RPL22: variants seen among roughly 807,000 people sequenced by gnomAD.
The protein encoded by RPL22 is ribosomal protein L22.
RPL22 carries 4 observed loss-of-function variants against 16.2 expected under a neutral mutation model. The ratio of observed to expected loss-of-function variants is 0.25; its 90% CI spans 0.12 to 0.57. RPL22 has a LOEUF of 0.57. RPL22 is among the 20% of genes least tolerant of loss of function. The pLI, the probability that RPL22 is intolerant of heterozygous loss-of-function variation, is 0.92. For missense variants in RPL22, 83 were observed against 156.1 expected (o/e 0.53, Z 2.49); for synonymous variants, 43 against 54.8 (o/e 0.78, Z 0.95).
intron 1 of RPL22, chr1:6,199,172 C>T (rs1426163057): frequency 2.2e-5 from 5 of 226,336 alleles, no homozygotes; most frequent in Admixed American, 1.1e-4. Flanking sequence ...GAGTCTTGGC[C>T]GTGGACTTCC....
intron 3 of RPL22, among the ~76,000 whole-genome samples, chr1:6,188,409 G>A (rs956276015): frequency 4.3e-4 from 65 of 152,158 alleles, no homozygotes; most frequent in Non-Finnish European, 8.8e-4. Context: ...TGACCTAAGG[G>A]CTGGGCACAG....
chr1:6,191,186 T>G (rs530874849), intron 3 of RPL22, among the ~76,000 whole-genome samples: 2 of 135,526 alleles, frequency 1.5e-5, no homozygotes, highest in Admixed American at 7.5e-5. Context: ...GGTGAAACCC[T>G]GTCTCTACTA....
rs1426870675 is a variant in RPL22 at position 6,185,416 on chromosome 1, A to G, written c.*1256T>C. 2 of 398,872 alleles carry G rather than the reference A, an allele frequency of 5.0e-6. No homozygotes were observed. The highest frequency in any genetic ancestry group is 8.8e-6 in the Non-Finnish European group (2 of 226,020). 24.7% of individuals were successfully genotyped at this position (398,872 alleles called of 1,614,324 possible). ...TTCAAAGAAATTTGCATAGAAATGG[A>G]AAAATGCCAGAGCCTTTAACACAAG... On this transcript the variant is annotated 3_prime_UTR_variant, in exon 4 of 4. Transcript: ENST00000234875.
At position 6,186,819 on chromosome 1, in the gene RPL22, G is replaced by A. The variant is rs772960921; in HGVS notation, c.243-3C>T. ...TTTTGGTGAGATATTTCAAATACCT[G>A]CAGAGAAAGGACACAAGAACTCCAC... On this transcript the variant is annotated splice_region_variant and splice_polypyrimidine_tract_variant and intron_variant, in intron 3 of 3. Coordinates refer to ENST00000234875, the MANE Select transcript of RPL22 (RefSeq NM_000983.4). The A allele has an allele frequency of 3.7e-6, 6 of 1,613,004 alleles. No homozygotes were observed. The highest frequency in any genetic ancestry group is 1.3e-5 in the African/African-American group (1 of 74,904).
At chr1:6,197,125 G>A (rs1667730535) in intron 2 of RPL22, among the ~76,000 whole-genome samples, 1 of 152,248 alleles carries the variant, frequency 6.6e-6, no homozygotes, top group Non-Finnish European at 1.5e-5. Flanking sequence ...CGCCTCCCGT[G>A]TTCACGCGAT....
intron 2 of RPL22, among the ~76,000 whole-genome samples, chr1:6,195,416 G>A (rs1667703527): frequency 1.3e-5 from 2 of 149,514 alleles, no homozygotes. Context: ...CTGCACTCCA[G>A]CCTGGGTGAC....
chr1:6,199,395 C>T (rs1667765555), intron 1 of RPL22, 167 bp downstream of exon 1: 14 of 1,354,926 alleles, frequency 1.0e-5, no homozygotes, highest in South Asian at 2.0e-5. Flanking sequence ...CCTCCGCCTA[C>T]AACGTGCTGG....
At chr1:6,198,019 C>A in intron 1 of RPL22, 1 of 483,364 alleles carries the variant, frequency 2.1e-6, no homozygotes, top group Non-Finnish European at 3.7e-6. Context: ...CTCACTCAAA[C>A]TTTCCAGTCT....
chr1:6,193,426 G>A (rs1353891814), intron 2 of RPL22, among the ~76,000 whole-genome samples: 4 of 151,722 alleles, frequency 2.6e-5, no homozygotes, highest in Admixed American at 2.6e-4. Context: ...CCAGGTTCAA[G>A]TGATTCTCCT....
rs1667771201 is a variant in RPL22 at position 6,199,581 on chromosome 1, G to A, written c.-8C>T. 2 of 1,568,508 alleles carry A rather than the reference G, an allele frequency of 1.3e-6. No individual in the cohort carries two copies. The highest frequency in any genetic ancestry group is 1.4e-5 in the African/African-American group (1 of 73,872). ...ACTAACCACAGGAGCCATGGCGGCA[G>A]CGGAGTTAGAAAGGGAGGTGAGCGA... is the stretch of plus-strand genomic sequence containing the variant. On this transcript the variant is annotated 5_prime_UTR_variant, in exon 1 of 4. Coordinates refer to ENST00000234875, the MANE Select transcript of RPL22 (RefSeq NM_000983.4).
In RPL22 at chr1:6,189,733, A is replaced by G. The variant is rs192867690; in HGVS notation, c.243-2917T>C. 5.1e-3 allele frequency among the ~76,000 whole-genome samples: 771 copies of G among 152,232 alleles called. 3 individuals are homozygous for G. The highest frequency in any genetic ancestry group is 0.017 in the African/African-American group (699 of 41,538). On this transcript the variant is annotated intron_variant, in intron 3 of 3. Coordinates refer to ENST00000234875, the MANE Select transcript of RPL22 (RefSeq NM_000983.4). ...TCAGGAGTTCCAGACCAGCCTGGCC[A>G]ACATGATGAAACCCCCTCTCTACTA...
At chr1:6,189,273 T>C (rs1189647905) in intron 3 of RPL22, among the ~76,000 whole-genome samples, 1 of 144,234 alleles carries the variant, frequency 6.9e-6, no homozygotes, top group Non-Finnish European at 1.5e-5. Flanking sequence ...AGATCTCAAT[T>C]CAACTGTCCA....
intron 3 of RPL22, among the ~76,000 whole-genome samples, chr1:6,188,562 T>C (rs1427145004): frequency 6.7e-6 from 1 of 148,308 alleles, no homozygotes; most frequent in African/African-American, 2.5e-5. Flanking sequence ...AAAAAAAAGA[T>C]GAAGTGCACC....
intron 3 of RPL22, 102 bp downstream of exon 3, chr1:6,192,828 G>T: frequency 7.1e-7 from 1 of 1,399,808 alleles, no homozygotes; most frequent in South Asian, 1.3e-5. Flanking sequence ...GAAATTAACA[G>T]ATGCAAACCA....
At chr1:6,193,126 C>T in intron 2 of RPL22, 72 bp from the exon 3 acceptor site, 1 of 1,553,042 alleles carries the variant, frequency 6.4e-7, no homozygotes, top group Non-Finnish European at 8.8e-7. Context: ...TATCTGTCTC[C>T]CAACACTGAA....
chr1:6,193,441 C>T (rs962203981), intron 2 of RPL22, among the ~76,000 whole-genome samples: 9 of 152,072 alleles, frequency 5.9e-5, no homozygotes, highest in African/African-American at 1.2e-4. Context: ...TCTCCTGCTC[C>T]GCCTCCCAAG....
At chr1:6,194,032 CCT>C (rs962300854) in intron 2 of RPL22, among the ~76,000 whole-genome samples, 6 of 152,056 alleles carry the variant, frequency 3.9e-5, no homozygotes, top group African/African-American at 1.4e-4. Flanking sequence ...ATGGCGAAAC[CCT>C]CTCTCTACAA....
At chr1:6,188,479 T>C (rs1197146919) in intron 3 of RPL22, among the ~76,000 whole-genome samples, 1 of 151,634 alleles carries the variant, frequency 6.6e-6, no homozygotes, top group East Asian at 1.9e-4. Context: ...CCCTTGAATC[T>C]AGGAGTTCGA....
rs1667578691 is a variant in RPL22, at chr1:6,186,092, C to G, written c.*580G>C. The G allele has an allele frequency of 4.3e-6, 1 of 231,992 alleles. No homozygotes were observed. The highest frequency in any genetic ancestry group is 2.2e-5 in the African/African-American group (1 of 45,248). 14.4% of individuals were successfully genotyped at this position (231,992 alleles called of 1,614,324 possible). ...GAACCTGGGACTTTTACAATCGATT[C>G]CCCAAACCCCTTTATGGCAGCAACA... On this transcript the variant is annotated 3_prime_UTR_variant, in exon 4 of 4. Transcript: ENST00000234875.
Sources: allele counts gnomAD v4.1 joint callset (sites outside exome capture counted in the v4.1 genomes callset), GRCh38; gene constraint gnomAD v4.1.1; transcripts MANE v1.5; gene names NCBI Gene and HGNC (gene_info 2026-07-23, HGNC 2026-07-21).